Variants in CDHR1 observed in about 807,000 individuals in gnomAD.
The protein encoded by CDHR1 is cadherin related family member 1.
Under a neutral mutation model 72.1 loss-of-function variants are expected in CDHR1, and 61 were observed. That is an observed-to-expected ratio of 0.85 (90% CI 0.69 to 1.05). The LOEUF (loss-of-function observed/expected upper bound fraction) is 1.05, where lower values mean the gene tolerates loss of function less well. Among genes scored for constraint, CDHR1 ranks in the 50% least tolerant of loss-of-function variants. The probability of loss-of-function intolerance (pLI) is 0.00; values close to 1 mark genes in which losing one functional copy is unlikely to be tolerated. For missense variants in CDHR1, 1,186 were observed against 1,115.7 expected, an observed-to-expected ratio of 1.06 and a Z score of -0.90; for synonymous variants, 470 against 448.1, an observed-to-expected ratio of 1.05 and a Z score of -0.62.
intron 16 of CDHR1, among the ~76,000 whole-genome samples, chr10:84,213,590 G>C: frequency 6.6e-6 from 1 of 152,328 alleles, no homozygotes; most frequent in Middle Eastern, 3.4e-3. Context: ...TGTAAGATGG[G>C]ATAAGGATGC....
At position 84,199,141 on chromosome 10, in the gene CDHR1, A is replaced by C; in HGVS notation, c.438+20A>C. ...CCCGAGGTAAGTGAGGAGCTGCTAG[A>C]GGGGCTGATTTTCCCACCCAGGCCC... is the stretch of plus-strand genomic sequence containing the variant. On this transcript the variant is annotated intron_variant, in intron 5 of 16. Transcript: ENST00000623527. 4 of 1,547,284 alleles carry C rather than the reference A, an allele frequency of 2.6e-6. No individual in the cohort carries two copies. The highest frequency in any genetic ancestry group is 3.5e-6 in the Non-Finnish European group (4 of 1,144,138).
intron 14 of CDHR1, 84 bp from the exon 15 acceptor site, chr10:84,212,095 G>C: frequency 8.3e-7 from 1 of 1,201,174 alleles, no homozygotes; most frequent in South Asian, 1.2e-5. Flanking sequence ...TGCTTCAGGA[G>C]GCAGCTCATT....
chr10:84,194,620 CGCCCCGTG>C lies in CDHR1; in HGVS notation c.-140_-133del. ...GCGCCCTCACGCCACCCGCCGCTCCCGCCCCGTGCCCCCTCCCGCCGCGGCTGCAGTCG... is the reference window on the plus strand; with the variant it reads ...GCGCCCTCACGCCACCCGCCGCTCCCCCCCCTCCCGCCGCGGCTGCAGTCG... On this transcript the variant is annotated 5_prime_UTR_variant, in exon 1 of 17. Transcript: ENST00000623527. 2 of 566,926 alleles carry C rather than the reference CGCCCCGTG, an allele frequency of 3.5e-6. No individual in the cohort carries two copies. The highest frequency in any genetic ancestry group is 4.4e-5 in the Admixed American group (1 of 22,860). The allele number at this position is 566,926 out of a possible 1,614,324, so 35.1% of individuals were successfully genotyped here.
rs547134587 is a variant in CDHR1 at position 84,202,033 on chromosome 10, G to A, written c.639+113G>A. On this transcript the variant is annotated intron_variant, in intron 7 of 16. Coordinates refer to ENST00000623527, the MANE Select transcript of CDHR1 (RefSeq NM_033100.4). ...TTGGAGAGCAGGAGACATGATGGGC[G>A]TGGGGAAATAGGGAGCAGCTGCTCG... The A allele has an allele frequency of 1.9e-4, 151 of 795,486 alleles. 1 individual carries two copies. Among genetic ancestry groups the A allele is most frequent in the East Asian group, 7.7e-4 (29 of 37,570 alleles). 49.3% of individuals were successfully genotyped at this position (795,486 alleles called of 1,614,324 possible).
In CDHR1 at chr10:84,218,166, A is replaced by G. The variant is rs1484246030; in HGVS notation, c.*3545A>G. The stretch of plus-strand genomic sequence containing the variant: ...GAATGGAGAAGATGCCACATGAGGA[A>G]TGAGGCAGGAGACTGGCATGTGCCA... On this transcript the variant is annotated 3_prime_UTR_variant, in exon 17 of 17. Coordinates refer to ENST00000623527, the MANE Select transcript of CDHR1 (RefSeq NM_033100.4). 3 of 985,350 alleles carry G rather than the reference A, an allele frequency of 3.0e-6. No homozygotes were observed. The highest frequency in any genetic ancestry group is 1.7e-5 in the African/African-American group (1 of 57,252). The allele number at this position is 985,350 out of a possible 1,614,324, so 61.0% of individuals were successfully genotyped here.
rs769687251 is a variant in CDHR1 at position 84,215,687 on chromosome 10, C to A, written c.*1066C>A. 2.0e-6 allele frequency: 2 copies of A among 985,386 alleles called. No individual in the cohort carries two copies. Among genetic ancestry groups the A allele is most frequent in the Non-Finnish European group, 1.2e-6 (1 of 829,918 alleles). 61.0% of individuals were successfully genotyped at this position (985,386 alleles called of 1,614,324 possible). Reference sequence around the variant, plus strand: ...AACCAAGTGCAAAGCGGCATGAATGCAAAGTATTTTTCTGCAGCCCAGTTC... The same window carrying A: ...AACCAAGTGCAAAGCGGCATGAATGAAAAGTATTTTTCTGCAGCCCAGTTC... On this transcript the variant is annotated 3_prime_UTR_variant, in exon 17 of 17. Transcript: ENST00000623527.
Position 84,213,132 on chromosome 10 carries a change from C to A in CDHR1, c.1824C>A (p.Asp608Glu). The change falls in exon 16 of 17, where the codon GAC becomes GAA. Residue 608 changes from aspartate (D) to glutamate (E), a missense_variant. Physicochemically the swap from Asp to Glu is conservative, Grantham distance 45. Transcript: ENST00000623527. ...EDAEEPNNLV[D>E]YSITHAEPAN... ...CAGAGGAACCCAACAACCTGGTGGA[C>A]TATTCCATCACCCATGCAGAGCCCG... 1 of 1,614,240 alleles carries A rather than the reference C, an allele frequency of 6.2e-7. No homozygotes were observed. The highest frequency in any genetic ancestry group is 8.5e-7 in the Non-Finnish European group (1 of 1,180,040).
Position 84,216,311 on chromosome 10 carries a change from G to C in CDHR1, c.*1690G>C. The C allele has an allele frequency of 1.0e-6, 1 of 985,470 alleles. No homozygotes were observed. Among genetic ancestry groups the C allele is most frequent in the African/African-American group, 1.7e-5 (1 of 57,360 alleles). The allele number at this position is 985,470 out of a possible 1,614,324, so 61.0% of individuals were successfully genotyped here. A position where few individuals can be genotyped will look rare whatever the true frequency, so the allele number is the denominator to read the frequency against. Reference sequence around the variant, plus strand: ...TGCCAGTGTGCAGAATCCTTGCTGGGGTTTCTACAGTCCCCAACGTGAACA... The same window carrying C: ...TGCCAGTGTGCAGAATCCTTGCTGGCGTTTCTACAGTCCCCAACGTGAACA... On this transcript the variant is annotated 3_prime_UTR_variant, in exon 17 of 17. Transcript: ENST00000623527.
Position 84,194,812 on chromosome 10 carries a change from T to G in CDHR1, c.52T>G (p.Leu18Val). Residue 18 changes from leucine (L) to valine (V), a missense_variant, in exon 1 of 17, where the codon TTG becomes GTG. Physicochemically the swap from Leu to Val is conservative, Grantham distance 32. Transcript: ENST00000623527. ...ALALGLLRLC[L>V]AQANFAPHFF... ...GGCCCTGGGGCTGCTGCGCCTCTGCTTGGGTGAGTGGCCGCTGGGCCGCGC... is the reference window on the plus strand; with the variant it reads ...GGCCCTGGGGCTGCTGCGCCTCTGCGTGGGTGAGTGGCCGCTGGGCCGCGC... 2 of 1,532,860 alleles carry G rather than the reference T, an allele frequency of 1.3e-6. No homozygotes were observed. Among genetic ancestry groups the G allele is most frequent in the Non-Finnish European group, 1.7e-6 (2 of 1,145,928 alleles). The allele number at this position is 1,532,860 out of a possible 1,614,324, so 95.0% of individuals were successfully genotyped here. A position where few individuals can be genotyped will look rare whatever the true frequency, so the allele number is the denominator to read the frequency against.
chr10:84,197,770 T>A lies in CDHR1; in HGVS notation c.298-16T>A. 1.9e-6 allele frequency: 3 copies of A among 1,613,340 alleles called. No individual in the cohort carries two copies. Among genetic ancestry groups the A allele is most frequent in the Non-Finnish European group, 2.5e-6 (3 of 1,179,390 alleles). On this transcript the variant is annotated splice_polypyrimidine_tract_variant and intron_variant, in intron 3 of 16. Coordinates refer to ENST00000623527, the MANE Select transcript of CDHR1 (RefSeq NM_033100.4). ...GTCAGACTCCTGGACACTCACTCAG[T>A]CCCTGTGCTTCACAGAGGGAAGATG...
rs749600645 is a variant in CDHR1, at chr10:84,214,431, C to G, written c.2390C>G (p.Pro797Arg). Residue 797 changes from proline (P) to arginine (R), a missense_variant, in exon 17 of 17, where the codon CCA becomes CGA. Pro to Arg is a moderately radical substitution (Grantham distance 103, BLOSUM62 -2). Transcript: ENST00000623527. ...CCGAGAGCTCCGGCTCTCCCTCCACCACCCAGCGTGGCGCCCAGCACTGGC... is the reference window on the plus strand; with the variant it reads ...CCGAGAGCTCCGGCTCTCCCTCCACGACCCAGCGTGGCGCCCAGCACTGGC... The part of the protein sequence containing the change: ...LLPRAPALPP[P>R]PSVAPSTGAA... 2.5e-6 allele frequency: 4 copies of G among 1,613,170 alleles called. No individual in the cohort carries two copies. Among genetic ancestry groups the G allele is most frequent in the Non-Finnish European group, 3.4e-6 (4 of 1,180,038 alleles).
Position 84,214,708 on chromosome 10 carries a change from TA to T in CDHR1, c.*89del. Reference sequence around the variant, plus strand: ...ACTATGCTCCCCTTCCTCTGCTCCTTAAGGTCACTGACCCCTGTTTTGCACA... The same window carrying T: ...ACTATGCTCCCCTTCCTCTGCTCCTTAGGTCACTGACCCCTGTTTTGCACA... On this transcript the variant is annotated 3_prime_UTR_variant, in exon 17 of 17. Coordinates refer to ENST00000623527, the MANE Select transcript of CDHR1 (RefSeq NM_033100.4). 1 of 1,590,676 alleles carries T rather than the reference TA, an allele frequency of 6.3e-7. No homozygotes were observed. Among genetic ancestry groups the T allele is most frequent in the Non-Finnish European group, 8.5e-7 (1 of 1,175,800 alleles).
intron 15 of CDHR1, 90 bp from the exon 16 acceptor site, chr10:84,213,001 C>T (rs1179196244): frequency 3.6e-5 from 55 of 1,516,364 alleles, no homozygotes; most frequent in Non-Finnish European, 4.9e-5. Flanking sequence ...TCCCATCAAC[C>T]CAGCAAGCCC....
intron 2 of CDHR1, among the ~76,000 whole-genome samples, chr10:84,196,242 A>T (rs1483905695): frequency 1.3e-5 from 2 of 152,180 alleles, no homozygotes; most frequent in Non-Finnish European, 2.9e-5. Flanking sequence ...GCAGACCTGC[A>T]CCTGCTCTGT....
At position 84,218,464 on chromosome 10, in the gene CDHR1, G is replaced by A; in HGVS notation, c.*3843G>A. On this transcript the variant is annotated 3_prime_UTR_variant, in exon 17 of 17. Transcript: ENST00000623527. The stretch of plus-strand genomic sequence containing the variant: ...GACAAGTTTGGAGTATATCTTCTGT[G>A]CCAGGCTCTCTTCTAGGTGTTAGGT... 9 of 985,392 alleles carry A rather than the reference G, an allele frequency of 9.1e-6. No homozygotes were observed. The highest frequency in any genetic ancestry group is 1.1e-5 in the Non-Finnish European group (9 of 829,932). 61.0% of individuals were successfully genotyped at this position (985,392 alleles called of 1,614,324 possible).
At chr10:84,200,837 A>G (rs1842111802) in intron 6 of CDHR1, 150 bp downstream of exon 6, 2 of 670,430 alleles carry the variant, frequency 3.0e-6, no homozygotes, top group Admixed American at 2.2e-5. Flanking sequence ...AGGGGATGTG[A>G]GAGGGACAGA....
rs200914741 is a variant in CDHR1, at chr10:84,201,908, C to A, written c.627C>A (p.Thr209=). 1.2e-6 allele frequency: 2 copies of A among 1,604,808 alleles called. No individual in the cohort carries two copies. The highest frequency in any genetic ancestry group is 1.7e-5 in the Admixed American group (1 of 59,988). ...DYERSRTHYI[T]VVAKDGGGRL... is the part of the protein sequence containing the mutation. ...AGAGGTCCCGGACCCACTACATCAC[C>A]GTGGTCGCCAAGGTAACACAGCAGG... Residue 209 remains threonine, a synonymous_variant, in exon 7 of 17, where the codon ACC becomes ACA. Transcript: ENST00000623527.
intron 16 of CDHR1, 67 bp downstream of exon 16, chr10:84,213,415 G>A: frequency 6.2e-7 from 1 of 1,604,542 alleles, no homozygotes; most frequent in South Asian, 1.1e-5. Context: ...TGCAACGTGG[G>A]CAGAGCGAGA....
intron 12 of CDHR1, among the ~76,000 whole-genome samples, chr10:84,210,511 C>T (rs1842309713): frequency 6.6e-6 from 1 of 152,068 alleles, no homozygotes; most frequent in Admixed American, 6.6e-5. Context: ...AGGTGATCCA[C>T]CCGCCTTGGC....
Sources: gnomAD v4.1 joint callset for allele counts (sites outside exome capture counted in the v4.1 genomes callset) on GRCh38, gnomAD v4.1.1 for gene constraint, MANE v1.5 for transcripts, NCBI Gene and HGNC (gene_info 2026-07-23, HGNC 2026-07-21) for gene names.